The following CACNB2 variants were observed in gnomAD, a reference collection of about 807,000 sequenced individuals.
CACNB2 encodes voltage-dependent L-type calcium channel subunit beta-2.
In CACNB2, 42 loss-of-function variants were observed where a neutral mutation model predicts 73.3. That is an observed-to-expected ratio of 0.57 (90% CI 0.45 to 0.74). The LOEUF is 0.74. Among genes scored for constraint, CACNB2 ranks in the 30% least tolerant of loss-of-function variants. The probability of loss-of-function intolerance (pLI) is 0.00; values close to 1 mark genes in which losing one functional copy is unlikely to be tolerated. For synonymous variants in CACNB2, 348 were observed against 310.3 expected, an observed-to-expected ratio of 1.12 and a Z score of -1.28; for missense variants, 940 against 853.0, an observed-to-expected ratio of 1.10 and a Z score of -1.27.
intron 3 of CACNB2, among the ~76,000 whole-genome samples, chr10:18,413,402 A>C (rs2044749751): frequency 6.6e-6 from 1 of 152,100 alleles, no homozygotes; most frequent in Non-Finnish European, 1.5e-5. Context: ...TTCAGCCGTC[A>C]CTTATAGTTA....
chr10:18,502,768 T>G (rs2050277697), intron 5 of CACNB2, among the ~76,000 whole-genome samples: 1 of 128,584 alleles, frequency 7.8e-6, no homozygotes, highest in African/African-American at 3.0e-5. Flanking sequence ...ATTGAGAACA[T>G]ACACCAGGAA....
chr10:18,173,168 C>A (rs1418652306), intron 2 of CACNB2, among the ~76,000 whole-genome samples: 1 of 152,172 alleles, frequency 6.6e-6, no homozygotes, highest in Non-Finnish European at 1.5e-5. Flanking sequence ...GATCCACCTG[C>A]CTCAGCCTGC....
intron 2 of CACNB2, among the ~76,000 whole-genome samples, chr10:18,229,096 A>G (rs779314592): frequency 1.3e-5 from 2 of 152,206 alleles, no homozygotes; most frequent in Non-Finnish European, 2.9e-5. Flanking sequence ...AAATATATAC[A>G]CAAGCAAGAT....
rs1014610124 is a variant in CACNB2, at chr10:18,257,987, G to A, written c.213+107012G>A. Among the ~76,000 whole-genome samples, 4 of 152,076 alleles carry A rather than the reference G, an allele frequency of 2.6e-5. No homozygotes were observed. The South Asian group carries it at 8.3e-4, about 32-fold the overall frequency. On this transcript the variant is annotated intron_variant, in intron 2 of 13. Transcript: ENST00000324631. ...TCAAACTTCTGACCTCAGGTGATCTGCCCACCTGGGCCTCCCAAAGTGCTG... is the reference window on the plus strand; with the variant it reads ...TCAAACTTCTGACCTCAGGTGATCTACCCACCTGGGCCTCCCAAAGTGCTG...
At chr10:18,354,475 G>A (rs1340358514) in intron 2 of CACNB2, among the ~76,000 whole-genome samples, 1 of 152,190 alleles carries the variant, frequency 6.6e-6, no homozygotes, top group Non-Finnish European at 1.5e-5. Context: ...GCGCAAGACA[G>A]TTATGGTGGG....
intron 3 of CACNB2, among the ~76,000 whole-genome samples, chr10:18,417,551 T>G (rs11014156): frequency 0.13 from 19,750 of 151,748 alleles, 1,636 homozygotes; most frequent in East Asian, 0.26. Context: ...GTATTTTTAG[T>G]AGAGACAGGT....
At chr10:18,181,299 T>C (rs1332836086) in intron 2 of CACNB2, among the ~76,000 whole-genome samples, 1 of 152,078 alleles carries the variant, frequency 6.6e-6, no homozygotes, top group Non-Finnish European at 1.5e-5. Flanking sequence ...TTTAAGACAT[T>C]CTCACAAATC....
chr10:18,227,544 A>G (rs1445555568), intron 2 of CACNB2, among the ~76,000 whole-genome samples: 1 of 152,236 alleles, frequency 6.6e-6, no homozygotes, highest in Non-Finnish European at 1.5e-5. Context: ...CCCAAATGCC[A>G]AAGGAGCTGA....
At chr10:18,265,797 G>A (rs962853666) in intron 2 of CACNB2, among the ~76,000 whole-genome samples, 15 of 152,164 alleles carry the variant, frequency 9.9e-5, no homozygotes, top group African/African-American at 1.7e-4. Context: ...GGCCTGATAC[G>A]TAGTTGTTTT....
chr10:18,439,548 C>T (rs1022783345), intron 3 of CACNB2, among the ~76,000 whole-genome samples: 4 of 152,204 alleles, frequency 2.6e-5, no homozygotes, highest in African/African-American at 9.7e-5. Context: ...TTGAAACCTT[C>T]TCCAAGTATT....
At chr10:18,459,488 A>T (rs117943270) in intron 3 of CACNB2, among the ~76,000 whole-genome samples, 2,142 of 152,316 alleles carry the variant, frequency 0.014, 73 homozygotes, top group South Asian at 0.12. Context: ...CAGGCTTTAC[A>T]CAGCCATACA....
intron 2 of CACNB2, 96 bp from the exon 3 acceptor site, chr10:18,401,828 G>C: frequency 8.1e-7 from 1 of 1,234,904 alleles, no homozygotes; most frequent in East Asian, 2.3e-5. Flanking sequence ...GGAAAGTATA[G>C]AACAATCCGG....
chr10:18,307,397 G>A (rs946605243), intron 2 of CACNB2, among the ~76,000 whole-genome samples: 3 of 152,190 alleles, frequency 2.0e-5, no homozygotes, highest in Non-Finnish European at 2.9e-5. Context: ...GAAAGGTGGA[G>A]GTTGTGGCGA....
chr10:18,482,649 T>C (rs1481030355), intron 3 of CACNB2, among the ~76,000 whole-genome samples: 5 of 151,884 alleles, frequency 3.3e-5, no homozygotes, highest in Admixed American at 6.6e-5. Context: ...TAGGTGGGAG[T>C]ACTGGTGCCC....
At chr10:18,300,035 T>C (rs2039445130) in intron 2 of CACNB2, among the ~76,000 whole-genome samples, 2 of 147,756 alleles carry the variant, frequency 1.4e-5, no homozygotes, top group Admixed American at 6.8e-5. Context: ...TTTTTTTTTA[T>C]TTTGAGACGG....
intron 3 of CACNB2, among the ~76,000 whole-genome samples, chr10:18,431,371 G>A (rs1403494907): frequency 6.6e-6 from 1 of 152,116 alleles, no homozygotes; most frequent in Non-Finnish European, 1.5e-5. Flanking sequence ...GGTCCAGAAT[G>A]AATCTGCTTT....
chr10:18,440,971 C>T (rs2046382339), intron 3 of CACNB2, among the ~76,000 whole-genome samples: 1 of 152,182 alleles, frequency 6.6e-6, no homozygotes, highest in South Asian at 2.1e-4. Flanking sequence ...AACTTCAAAT[C>T]TTAAAAGCCC....
intron 3 of CACNB2, among the ~76,000 whole-genome samples, chr10:18,448,495 A>G (rs1191099265): frequency 5.3e-5 from 8 of 151,190 alleles, no homozygotes; most frequent in Middle Eastern, 3.4e-3. Flanking sequence ...AAAAAAAAAA[A>G]AAAAAAGAAA....
intron 2 of CACNB2, among the ~76,000 whole-genome samples, chr10:18,371,196 CTGTTTTTATTT>C (rs1455573954): frequency 7.0e-6 from 1 of 142,098 alleles, no homozygotes; most frequent in African/African-American, 2.6e-5. Flanking sequence ...GTTAAGTTTA[CTGTTTTTATTT>C]TGTTTTTTTT....
Sources: gnomAD v4.1 joint callset for allele counts (sites outside exome capture counted in the v4.1 genomes callset) on GRCh38, gnomAD v4.1.1 for gene constraint, MANE v1.5 for transcripts, NCBI Gene and HGNC (gene_info 2026-07-23, HGNC 2026-07-21) for gene names.